RPF2: variants seen among roughly 807,000 people sequenced by gnomAD.
RPF2 encodes the protein brix domain containing 1.
Under a neutral mutation model 38.9 loss-of-function variants are expected in RPF2, and 21 were observed. That is an observed-to-expected ratio of 0.54 (90% CI 0.38 to 0.78). The LOEUF is 0.78. Among genes scored for constraint, RPF2 ranks in the 30% least tolerant of loss-of-function variants. The pLI, the probability that RPF2 is intolerant of heterozygous loss-of-function variation, is 0.00. For synonymous variants in RPF2, 121 were observed against 126.2 expected (o/e 0.96, Z 0.28); for missense variants, 314 against 358.1 (o/e 0.88, Z 0.99).
intron 6 of RPF2, among the ~76,000 whole-genome samples, chr6:111,002,376 T>C (rs1230235648): frequency 6.6e-6 from 1 of 152,210 alleles, no homozygotes; most frequent in Non-Finnish European, 1.5e-5. Context: ...GGTCTCACTC[T>C]GTTGCCCAGG....
intron 7 of RPF2, among the ~76,000 whole-genome samples, chr6:111,011,749 G>A (rs894636169): frequency 2.6e-5 from 4 of 152,190 alleles, no homozygotes; most frequent in Non-Finnish European, 5.9e-5. Context: ...TGTTATAACA[G>A]AGAGAGCTTT....
intron 3 of RPF2, among the ~76,000 whole-genome samples, chr6:110,989,482 C>T (rs549762825): frequency 1.3e-5 from 2 of 152,204 alleles, no homozygotes; most frequent in East Asian, 3.9e-4. Flanking sequence ...GAGACGGAGT[C>T]CTGTTGTCGC....
intron 6 of RPF2, among the ~76,000 whole-genome samples, chr6:111,006,958 A>G (rs1383991201): frequency 6.6e-6 from 1 of 152,096 alleles, no homozygotes; most frequent in East Asian, 1.9e-4. Context: ...CTGTAGTCCC[A>G]GCTACTTGAG....
intron 5 of RPF2, among the ~76,000 whole-genome samples, chr6:110,998,027 C>T (rs1223354664): frequency 6.6e-6 from 1 of 152,010 alleles, no homozygotes; most frequent in Non-Finnish European, 1.5e-5. Context: ...GCCTCAGCCT[C>T]CCGAGTAGCT....
At chr6:111,017,295 C>T (rs1365256459) in intron 8 of RPF2, among the ~76,000 whole-genome samples, 1 of 150,874 alleles carries the variant, frequency 6.6e-6, no homozygotes, top group Non-Finnish European at 1.5e-5. Flanking sequence ...GACGGGGCGG[C>T]GGCTGGGCGG....
rs1047590216 is a variant in RPF2, at chr6:111,025,673, T to C, written c.*91T>C. ...ATTCAGAGTTTCTTATAAGATCTTA[T>C]TATATATTTTTATAACATGATAATT... On this transcript the variant is annotated 3_prime_UTR_variant, in exon 10 of 10. Transcript: ENST00000441448. The C allele has an allele frequency of 4.8e-6, 4 of 841,456 alleles. No individual in the cohort carries two copies. The highest frequency in any genetic ancestry group is 3.4e-5 in the African/African-American group (2 of 58,234). The allele number at this position is 841,456 out of a possible 1,614,324, so 52.1% of individuals were successfully genotyped here. A position where few individuals can be genotyped will look rare whatever the true frequency, so the allele number is the denominator to read the frequency against.
intron 4 of RPF2, among the ~76,000 whole-genome samples, chr6:110,993,842 C>T (rs1277691708): frequency 6.6e-6 from 1 of 152,186 alleles, no homozygotes; most frequent in Non-Finnish European, 1.5e-5. Flanking sequence ...CCTCCTGACC[C>T]TCTCCACACA....
At chr6:110,983,994 A>C (rs1771478869) in intron 1 of RPF2, among the ~76,000 whole-genome samples, 1 of 152,054 alleles carries the variant, frequency 6.6e-6, no homozygotes, top group East Asian at 1.9e-4. Context: ...GCACCACTGC[A>C]CTCCAGCCTG....
At position 111,003,101 on chromosome 6, in the gene RPF2, T is replaced by G. The variant is rs1376274244; in HGVS notation, c.393+3314T>G. ...TTTACCCCCCCCCCTTTTTTTTTCTTTTTAATTTTCTAACACCAGTGTCAC... is the reference window on the plus strand; with the variant it reads ...TTTACCCCCCCCCCTTTTTTTTTCTGTTTAATTTTCTAACACCAGTGTCAC... On this transcript the variant is annotated intron_variant, in intron 6 of 9. Transcript: ENST00000441448. Among the ~76,000 whole-genome samples the G allele has an allele frequency of 1.8e-3, 262 of 142,886 alleles. 1 individual carries two copies. The highest frequency in any genetic ancestry group is 6.3e-3 in the African/African-American group (248 of 39,376). 93.7% of individuals were successfully genotyped at this position (142,886 alleles called of 152,430 possible). A position where few individuals can be genotyped will look rare whatever the true frequency, so the allele number is the denominator to read the frequency against.
intron 7 of RPF2, among the ~76,000 whole-genome samples, chr6:111,013,370 G>A (rs1772052259): frequency 1.3e-5 from 2 of 152,124 alleles, no homozygotes; most frequent in African/African-American, 4.8e-5. Context: ...TTGCTTTCCG[G>A]TTACTAAGTA....
At position 110,999,796 on chromosome 6, in the gene RPF2, C is replaced by A. The variant is rs778222759; in HGVS notation, c.393+9C>A. On this transcript the variant is annotated intron_variant, in intron 6 of 9. Transcript: ENST00000441448. ...CTCTAAAAGACATTAAGGTAAGATA[C>A]TCATAGAAATGAAAAGTATTTTGTA... 9.0e-6 allele frequency: 13 copies of A among 1,447,782 alleles called. No homozygotes were observed. Among genetic ancestry groups the A allele is most frequent in the Non-Finnish European group, 1.2e-5 (12 of 1,029,346 alleles). The allele number at this position is 1,447,782 out of a possible 1,614,324, so 89.7% of individuals were successfully genotyped here. A position where few individuals can be genotyped will look rare whatever the true frequency, so the allele number is the denominator to read the frequency against.
chr6:111,005,736 T>G (rs993303257), intron 6 of RPF2, among the ~76,000 whole-genome samples: 1 of 152,096 alleles, frequency 6.6e-6, no homozygotes, highest in South Asian at 2.1e-4. Context: ...GCTCAAGTGA[T>G]CCTTCCACCC....
chr6:110,988,239 G>A (rs929327424), intron 2 of RPF2, among the ~76,000 whole-genome samples: 1 of 151,972 alleles, frequency 6.6e-6, no homozygotes, highest in African/African-American at 2.4e-5. Context: ...ATGATTATTT[G>A]TGGATAGGTA....
chr6:110,989,157 T>C, intron 3 of RPF2, 92 bp downstream of exon 3: 2 of 1,258,938 alleles, frequency 1.6e-6, no homozygotes, highest in Non-Finnish European at 2.1e-6. Context: ...CAAAAACTTT[T>C]TAAAAAGATA....
chr6:111,012,509 TAAA>T (rs1241768795), intron 7 of RPF2, among the ~76,000 whole-genome samples: 1 of 152,090 alleles, frequency 6.6e-6, no homozygotes, highest in African/African-American at 2.4e-5. Context: ...TATGGTTGTT[TAAA>T]AAAATTTGGA....
At chr6:110,994,727 G>GTA (rs147149680) in intron 4 of RPF2, among the ~76,000 whole-genome samples, 37 of 107,390 alleles carry the variant, frequency 3.4e-4, no homozygotes, top group Middle Eastern at 4.4e-3. Context: ...AATGGGATGA[G>GTA]TATATATACA....
intron 6 of RPF2, among the ~76,000 whole-genome samples, chr6:111,001,400 C>T (rs1193440289): frequency 6.6e-6 from 1 of 151,602 alleles, no homozygotes; most frequent in Non-Finnish European, 1.5e-5. Context: ...TCTTTCGAGA[C>T]AGGGTCTTGC....
At chr6:110,997,990 C>T (rs1192782549) in intron 5 of RPF2, among the ~76,000 whole-genome samples, 4 of 151,760 alleles carry the variant, frequency 2.6e-5, no homozygotes, top group Non-Finnish European at 4.4e-5. Context: ...CTACAACCTC[C>T]GCCTCCCGAG....
Position 111,024,168 on chromosome 6 carries a change from A to G in RPF2, c.597-15A>G. The G allele has an allele frequency of 6.4e-7, 1 of 1,572,660 alleles. No homozygotes were observed. Among genetic ancestry groups the G allele is most frequent in the Non-Finnish European group, 8.6e-7 (1 of 1,165,364 alleles). On this transcript the variant is annotated splice_polypyrimidine_tract_variant and intron_variant, in intron 8 of 9. Coordinates refer to ENST00000441448, the MANE Select transcript of RPF2 (RefSeq NM_032194.3). ...GAAAGTCAAAGCAACATTTCTTTTT[A>G]CCTATTTCCTAAAGGTTGCTGTTGA...
Sources: allele counts gnomAD v4.1 joint callset (sites outside exome capture counted in the v4.1 genomes callset), GRCh38; gene constraint gnomAD v4.1.1; transcripts MANE v1.5; gene names NCBI Gene and HGNC (gene_info 2026-07-23, HGNC 2026-07-21).